Variants in ACYP2 observed in about 807,000 individuals in gnomAD.
ACYP2 encodes acylphosphatase-2.
A neutral mutation model predicts 11.2 loss-of-function variants in ACYP2; 12 were observed. That is an observed-to-expected ratio of 1.08 (90% confidence interval 0.69 to 1.74). The LOEUF (loss-of-function observed/expected upper bound fraction) is 1.74. ACYP2 is among the 40% of genes most tolerant of loss of function. The probability of loss-of-function intolerance (pLI) is 0.00; values close to 1 mark genes in which losing one functional copy is unlikely to be tolerated. For synonymous variants in ACYP2, 43 were observed against 32.2 expected (o/e 1.33, Z -1.13); for missense variants, 134 against 101.9 (o/e 1.31, Z -1.35).
At chr2:54,176,060 A>G (rs182272945) in intron 6 of ACYP2, among the ~76,000 whole-genome samples, 1 of 152,150 alleles carries the variant, frequency 6.6e-6, no homozygotes, top group East Asian at 1.9e-4. Flanking sequence ...TTGGTGCCTC[A>G]ATCTTGGAAT....
chr2:54,000,602 C>T (rs1278223986), intron 2 of ACYP2, among the ~76,000 whole-genome samples: 3 of 152,206 alleles, frequency 2.0e-5, no homozygotes, highest in African/African-American at 7.2e-5. Context: ...TCATACTGCA[C>T]ATTAATTGAG....
In ACYP2 at chr2:54,287,738, G is replaced by A. The variant is rs547639265; in HGVS notation, c.405-16950G>A. ...TGACTGAGTTTTCCCAGCATCATCT[G>A]CCAGACTTGTAAGTGATTCCAGTTA... On this transcript the variant is annotated intron_variant, in intron 6 of 6. Transcript: ENST00000607452. Among the ~76,000 whole-genome samples, 4 of 152,160 alleles carry A rather than the reference G, an allele frequency of 2.6e-5. No individual in the cohort carries two copies. The South Asian group carries it at 8.3e-4, about 32-fold the overall frequency.
At chr2:54,200,546 T>G (rs1190870389) in intron 6 of ACYP2, among the ~76,000 whole-genome samples, 1 of 152,180 alleles carries the variant, frequency 6.6e-6, no homozygotes, top group East Asian at 1.9e-4. Context: ...CTTCTTTCAC[T>G]GAGGATAATG....
chr2:54,114,960 C>A (rs887327788), intron 4 of ACYP2, among the ~76,000 whole-genome samples: 2 of 151,820 alleles, frequency 1.3e-5, no homozygotes, highest in African/African-American at 2.4e-5. Context: ...ACTCTCAAAA[C>A]ACTAAACACG....
intron 6 of ACYP2, among the ~76,000 whole-genome samples, chr2:54,280,192 C>A (rs1688783586): frequency 6.6e-6 from 1 of 152,124 alleles, no homozygotes; most frequent in South Asian, 2.1e-4. Context: ...AGATGAGAAC[C>A]TGATGTAAGT....
In ACYP2 at chr2:54,133,040, G is replaced by A. The variant is rs190007057; in HGVS notation, c.278-2413G>A. On this transcript the variant is annotated intron_variant, in intron 4 of 6. Transcript: ENST00000607452. ...ATTACAGGTGTGAGCCACCACACCC[G>A]GCCCAATGAATTTTTAACAAATGCA... Among the ~76,000 whole-genome samples, 8 of 152,136 alleles carry A rather than the reference G, an allele frequency of 5.3e-5. No homozygotes were observed. In the East Asian group the frequency reaches 1.2e-3, roughly 22 times the overall value.
intron 6 of ACYP2, among the ~76,000 whole-genome samples, chr2:54,149,367 T>G (rs1009184629): frequency 1.3e-5 from 2 of 152,258 alleles, no homozygotes; most frequent in African/African-American, 4.8e-5. Context: ...TGTTTTCTTC[T>G]TCTGTGTTTT....
At chr2:54,281,428 G>A (rs2104116817) in intron 6 of ACYP2, among the ~76,000 whole-genome samples, 1 of 152,324 alleles carries the variant, frequency 6.6e-6, no homozygotes, top group East Asian at 1.9e-4. Flanking sequence ...AGTAGGCTAA[G>A]GGGTGCAAGT....
At chr2:53,980,330 G>GA (rs1400829761) in intron 2 of ACYP2, among the ~76,000 whole-genome samples, 1 of 150,844 alleles carries the variant, frequency 6.6e-6, no homozygotes, top group Non-Finnish European at 1.5e-5. Context: ...TCCAGCCTGG[G>GA]AGATAGAGTG....
At chr2:54,279,721 A>C (rs1040692804) in intron 6 of ACYP2, among the ~76,000 whole-genome samples, 21 of 152,302 alleles carry the variant, frequency 1.4e-4, no homozygotes, top group African/African-American at 4.6e-4. Context: ...AATAAAGGCA[A>C]AATGAATACA....
chr2:54,053,258 A>G (rs967616272), intron 3 of ACYP2, among the ~76,000 whole-genome samples: 1 of 152,008 alleles, frequency 6.6e-6, no homozygotes, highest in Non-Finnish European at 1.5e-5. Flanking sequence ...GCTGCTCTGC[A>G]TAGGCATGCT....
At chr2:53,995,928 T>A (rs1222868714) in intron 2 of ACYP2, among the ~76,000 whole-genome samples, 1 of 151,598 alleles carries the variant, frequency 6.6e-6, no homozygotes, top group Non-Finnish European at 1.5e-5. Context: ...AAATCAGGAG[T>A]TTGACACCAG....
chr2:53,975,504 A>T (rs1671428340), intron 2 of ACYP2: 1 of 376,804 alleles, frequency 2.7e-6, no homozygotes, highest in South Asian at 1.5e-4. Context: ...TTATCTCTTG[A>T]AGGTCAGGAG....
At chr2:54,231,032 T>C (rs1321355632) in intron 6 of ACYP2, among the ~76,000 whole-genome samples, 6 of 152,028 alleles carry the variant, frequency 3.9e-5, no homozygotes, top group African/African-American at 1.4e-4. Context: ...GGTTTCACCA[T>C]GTTGACCAGG....
chr2:54,036,235 C>T (rs926869857), intron 2 of ACYP2, among the ~76,000 whole-genome samples: 1 of 152,194 alleles, frequency 6.6e-6, no homozygotes, highest in Non-Finnish European at 1.5e-5. Flanking sequence ...GCTGGGATTA[C>T]AGCAGTATGC....
chr2:54,054,014 G>A (rs1175517526), intron 3 of ACYP2, among the ~76,000 whole-genome samples: 1 of 152,202 alleles, frequency 6.6e-6, no homozygotes, highest in Non-Finnish European at 1.5e-5. Flanking sequence ...TCTGGGTAGA[G>A]GATGGAATTG....
chr2:54,180,951 C>T (rs1050992138), intron 6 of ACYP2, among the ~76,000 whole-genome samples: 1 of 152,168 alleles, frequency 6.6e-6, no homozygotes, highest in African/African-American at 2.4e-5. Context: ...CCTCCAGATA[C>T]TCTCACATTG....
intron 2 of ACYP2, among the ~76,000 whole-genome samples, chr2:54,004,903 A>AC (rs1322649896): frequency 3.8e-5 from 5 of 130,940 alleles, no homozygotes; most frequent in Non-Finnish European, 8.1e-5. Flanking sequence ...TCAAAAAAAA[A>AC]AAAAAAAAAA....
At chr2:54,292,451 A>T (rs1291743469) in intron 6 of ACYP2, among the ~76,000 whole-genome samples, 1 of 152,200 alleles carries the variant, frequency 6.6e-6, no homozygotes, top group Admixed American at 6.5e-5. Flanking sequence ...TAACATCTTG[A>T]AATAATTATA....
Sources: allele counts gnomAD v4.1 joint callset (sites outside exome capture counted in the v4.1 genomes callset), GRCh38; gene constraint gnomAD v4.1.1; transcripts MANE v1.5; gene names NCBI Gene and HGNC (gene_info 2026-07-23, HGNC 2026-07-21).